ATP5MF: variants seen among roughly 807,000 people sequenced by gnomAD.
The protein encoded by ATP5MF is ATP synthase membrane subunit f, also known as ATP synthase F(0) complex subunit f, mitochondrial.
ATP5MF carries 10 observed loss-of-function variants against 13.8 expected under a neutral mutation model. The observed-to-expected ratio is 0.72, with a 90% CI of 0.45 to 1.23. ATP5MF has a LOEUF of 1.23. Among genes scored for constraint, ATP5MF ranks in the 50% most tolerant of loss-of-function variants. The pLI, the probability that ATP5MF is intolerant of heterozygous loss-of-function variation, is 0.00. For synonymous variants in ATP5MF, 40 were observed against 45.8 expected (o/e 0.87, Z 0.51); for missense variants, 122 against 118.2 (o/e 1.03, Z -0.15).
intron 1 of ATP5MF, among the ~76,000 whole-genome samples, chr7:99,464,475 AAC>A (rs1483062844): frequency 2.6e-5 from 4 of 152,018 alleles, no homozygotes; most frequent in African/African-American, 9.7e-5. Flanking sequence ...CATCCTGGCT[AAC>A]ACAGTGAAAC....
intron 3 of ATP5MF, 133 bp from the exon 4 acceptor site, chr7:99,458,488 C>G: frequency 1.1e-6 from 1 of 900,184 alleles, no homozygotes; most frequent in Non-Finnish European, 1.6e-6. Context: ...ACCCGCCTGC[C>G]GGTGTCTCTG....
At chr7:99,463,737 T>C (rs963109201) in intron 1 of ATP5MF, among the ~76,000 whole-genome samples, 1 of 151,984 alleles carries the variant, frequency 6.6e-6, no homozygotes, top group African/African-American at 2.4e-5. Context: ...GATCGTGCTA[T>C]TGCACTGCAG....
rs1407397752 is a variant in ATP5MF, at chr7:99,466,050, G to C, written c.31+61C>G. 3.7e-6 allele frequency: 6 copies of C among 1,612,576 alleles called. No homozygotes were observed. In the Admixed American group the frequency reaches 8.4e-5, roughly 22 times the overall value. On this transcript the variant is annotated intron_variant, in intron 1 of 3. Coordinates refer to ENST00000292475, the MANE Select transcript of ATP5MF (RefSeq NM_004889.5). ...AGCTCCGCAGCTTCCTTCTCTCCCA[G>C]TGTGGCTCTGGACCCTGGACCCTGG...
intron 1 of ATP5MF, among the ~76,000 whole-genome samples, chr7:99,464,044 T>C (rs1383204527): frequency 6.6e-6 from 1 of 152,214 alleles, no homozygotes; most frequent in East Asian, 1.9e-4. Flanking sequence ...TGATGCTGAA[T>C]AGGCCAGGCA....
At position 99,458,218 on chromosome 7, in the gene ATP5MF, G is replaced by A; in HGVS notation, c.*109C>T. On this transcript the variant is annotated 3_prime_UTR_variant, in exon 4 of 4. Coordinates refer to ENST00000292475, the MANE Select transcript of ATP5MF (RefSeq NM_004889.5). ...CGTACCAGTCATGTTTTATTTGGAG[G>A]TTAATTCCTATTAGGATATGAAAGG... 8.5e-7 allele frequency: 1 copy of A among 1,172,962 alleles called. No homozygotes were observed. 72.7% of individuals were successfully genotyped at this position (1,172,962 alleles called of 1,614,324 possible).
At chr7:99,462,288 T>TAAAA (rs755455949) in intron 1 of ATP5MF, among the ~76,000 whole-genome samples, 15 of 30,894 alleles carry the variant, frequency 4.9e-4, no homozygotes, top group South Asian at 1.4e-3. Flanking sequence ...CCATCACTAC[T>TAAAA]AAAAAAAAAA....
At chr7:99,466,038 C>T (rs1798858584) in intron 1 of ATP5MF, 73 bp downstream of exon 1, 2 of 1,609,508 alleles carry the variant, frequency 1.2e-6, no homozygotes, top group African/African-American at 1.3e-5. Flanking sequence ...TCCGCAGCTT[C>T]CTTCTCTCCC....
Position 99,458,826 on chromosome 7 carries a change from TTC to T in ATP5MF, c.256+319_256+320del, listed in dbSNP as rs1279903962. 14 of 338,388 alleles carry T rather than the reference TTC, an allele frequency of 4.1e-5. No individual in the cohort carries two copies. In the East Asian group the frequency reaches 8.9e-4, roughly 21 times the overall value. The allele number at this position is 338,388 out of a possible 1,614,324, so 21.0% of individuals were successfully genotyped here. On this transcript the variant is annotated intron_variant, in intron 3 of 3. Coordinates refer to ENST00000292475, the MANE Select transcript of ATP5MF (RefSeq NM_004889.5). ...TACCAGATTATCCCACTCAACTCAT[TTC>T]TCTTTCTGCATTGGCTACTAGGAAA...
At chr7:99,465,958 G>A (rs1410619287) in intron 1 of ATP5MF, among the ~76,000 whole-genome samples, 153 bp downstream of exon 1, 1 of 152,212 alleles carries the variant, frequency 6.6e-6, no homozygotes, top group Non-Finnish European at 1.5e-5. Context: ...GCGCGCCTGG[G>A]CAGGCGGAGC....
chr7:99,463,018 A>T (rs1798687404), intron 1 of ATP5MF, among the ~76,000 whole-genome samples: 1 of 152,052 alleles, frequency 6.6e-6, no homozygotes, highest in Admixed American at 6.6e-5. Context: ...GCAAGGTACT[A>T]CTCCTTCTCA....
At chr7:99,461,526 C>T (rs1798600613) in intron 1 of ATP5MF, among the ~76,000 whole-genome samples, 1 of 152,108 alleles carries the variant, frequency 6.6e-6, no homozygotes, top group Non-Finnish European at 1.5e-5. Context: ...AAGACTAAGG[C>T]TCTGTCAGGA....
chr7:99,458,817 T>G (rs911304701), intron 3 of ATP5MF: 1 of 340,744 alleles, frequency 2.9e-6, no homozygotes, highest in African/African-American at 2.1e-5. Context: ...ATTATCCCAC[T>G]CAACTCATTT....
At chr7:99,465,964 G>A (rs1406227094) in intron 1 of ATP5MF, 147 bp downstream of exon 1, 7 of 1,407,650 alleles carry the variant, frequency 5.0e-6, no homozygotes, top group African/African-American at 2.9e-5. Context: ...CTGGGCAGGC[G>A]GAGCGGGGTC....
rs927467584 is a variant in ATP5MF, at chr7:99,459,211, C to A, written c.192G>T (p.Ser64=). 1.2e-6 allele frequency: 2 copies of A among 1,614,174 alleles called. No homozygotes were observed. The highest frequency in any genetic ancestry group is 1.7e-6 in the Non-Finnish European group (2 of 1,180,046). Residue 64 remains serine, a synonymous_variant, in exon 3 of 4, where the codon TCG becomes TCT. Coordinates refer to ENST00000292475, the MANE Select transcript of ATP5MF (RefSeq NM_004889.5). ...AGCATGCCAGCACCATGGTAATCCC[C>A]GAGATGCTCCCCTTCTTCACATTGA... ...KYINVKKGSI[S]GITMVLACYV...
At chr7:99,461,807 G>A (rs568411346) in intron 1 of ATP5MF, among the ~76,000 whole-genome samples, 2 of 151,666 alleles carry the variant, frequency 1.3e-5, no homozygotes, top group African/African-American at 2.4e-5. Flanking sequence ...ACAGGCATGC[G>A]CCACGACACC....
At chr7:99,459,083 A>G in intron 3 of ATP5MF, 64 bp downstream of exon 3, 1 of 1,274,380 alleles carries the variant, frequency 7.8e-7, no homozygotes, top group Non-Finnish European at 1.1e-6. Context: ...TGCTGTATCT[A>G]ATGAAATCAG....
Position 99,466,112 on chromosome 7 carries a change from T to TG in ATP5MF, c.29dup (p.Val11SerfsTer28). On this transcript the variant is annotated frameshift_variant and splice_region_variant, in exon 1 of 4. Coordinates refer to ENST00000292475, the MANE Select transcript of ATP5MF (RefSeq NM_004889.5). LOFTEE classifies it high-confidence loss of function. ...ACCACGGAGTCCAAACAGCCTTACC[T>TG]GGGGCCGGACACTCACCAACTGACG... The TG allele has an allele frequency of 6.2e-7, 1 of 1,614,152 alleles. No homozygotes were observed. Among genetic ancestry groups the TG allele is most frequent in the Admixed American group, 1.7e-5 (1 of 60,018 alleles).
In ATP5MF at chr7:99,460,207, G is replaced by A. The variant is rs750936486; in HGVS notation, c.32-14C>T. 6.2e-7 allele frequency: 1 copy of A among 1,612,772 alleles called. No homozygotes were observed. Among genetic ancestry groups the A allele is most frequent in the South Asian group, 1.1e-5 (1 of 90,640 alleles). On this transcript the variant is annotated splice_polypyrimidine_tract_variant and intron_variant, in intron 1 of 3. Coordinates refer to ENST00000292475, the MANE Select transcript of ATP5MF (RefSeq NM_004889.5). ...CCTTCACTGGTACTGAAACGGAAGA[G>A]TGAGAAAAAATACCCACTGAATAAT...
At chr7:99,459,100 C>G (rs1244022325) in intron 3 of ATP5MF, 47 bp downstream of exon 3, 3 of 1,446,100 alleles carry the variant, frequency 2.1e-6, no homozygotes, top group East Asian at 2.3e-5. Context: ...TCAGTCACCA[C>G]CACCCTCTCA....
Sources: allele counts gnomAD v4.1 joint callset (sites outside exome capture counted in the v4.1 genomes callset), GRCh38; gene constraint gnomAD v4.1.1; transcripts MANE v1.5; gene names NCBI Gene and HGNC (gene_info 2026-07-23, HGNC 2026-07-21).